The following DAPK1 variants were observed in gnomAD, a reference collection of about 807,000 sequenced individuals.
DAPK1 encodes the protein death-associated protein kinase 1.
Under a neutral mutation model 144.9 loss-of-function variants are expected in DAPK1, and 56 were observed. The ratio of observed to expected loss-of-function variants is 0.39; its 90% confidence interval spans 0.31 to 0.48. The LOEUF (loss-of-function observed/expected upper bound fraction) is 0.48, where lower values mean the gene tolerates loss of function less well. Ranked by LOEUF, DAPK1 falls within the 20% of genes least tolerant of loss-of-function variation. The pLI is 0.95. For missense variants in DAPK1, 1,454 were observed against 1,875.4 expected (o/e 0.78, Z 4.15); for synonymous variants, 690 against 749.0 (o/e 0.92, Z 1.29).
At position 87,686,634 on chromosome 9, in the gene DAPK1, A is replaced by C; in HGVS notation, c.2308A>C (p.Thr770Pro). The C allele has an allele frequency of 6.2e-7, 1 of 1,611,634 alleles. No individual in the cohort carries two copies. The highest frequency in any genetic ancestry group is 8.5e-7 in the Non-Finnish European group (1 of 1,178,198). ...CAGCATGATGTTCGAGCCGGGTCTT[A>C]CCAAAGGGATGCTGGAGGTGTTTGT... ...SRSMMFEPGL[T>P]KGMLEVFVAP... The change falls in exon 21 of 26, where the codon ACC (threonine) becomes CCC (proline). Residue 770 changes from threonine to proline, a missense_variant. This residue lies in a region of DAPK1 where 1,025 missense variants were observed against 1,237.9 expected (regional missense o/e 0.83). Transcript: ENST00000408954. The surrounding 1 kb of genome is among the most constrained non-coding windows in gnomAD (Gnocchi z 4.2).
At chr9:87,569,155 C>T (rs1025558437) in intron 2 of DAPK1, among the ~76,000 whole-genome samples, 2 of 152,188 alleles carry the variant, frequency 1.3e-5, no homozygotes, top group African/African-American at 4.8e-5. Flanking sequence ...TGGGCTCAGC[C>T]TCAGAGATTA....
rs1362766309 is a variant in DAPK1, at chr9:87,651,474, G to A, written c.1627-53G>A. 7 of 1,569,824 alleles carry A rather than the reference G, an allele frequency of 4.5e-6. No homozygotes were observed. The East Asian group carries it at 1.6e-4, about 35-fold the overall frequency. On this transcript the variant is annotated intron_variant, in intron 16 of 25. Transcript: ENST00000408954. ...TGGCGGCAGAAAAGGTGAAGAGACG[G>A]AGGCCACATGCCCAAGTGAAAAGCT...
At chr9:87,571,839 T>C (rs1169075925) in intron 2 of DAPK1, among the ~76,000 whole-genome samples, 1 of 152,092 alleles carries the variant, frequency 6.6e-6, no homozygotes, top group Non-Finnish European at 1.5e-5. Context: ...GATGGGGACA[T>C]GGGGGTTGGA....
chr9:87,684,209 C>T (rs916439856), intron 20 of DAPK1, among the ~76,000 whole-genome samples: 22 of 152,348 alleles, frequency 1.4e-4, no homozygotes, highest in Admixed American at 1.2e-3. Flanking sequence ...TGGGGGCCAA[C>T]GGAGCAGCGT....
At chr9:87,701,706 C>T (rs1825460612) in intron 24 of DAPK1, 1 of 319,498 alleles carries the variant, frequency 3.1e-6, no homozygotes, top group African/African-American at 2.2e-5. Flanking sequence ...ACCTTTGAAG[C>T]TGCCTCTGGG....
chr9:87,664,980 G>C (rs1831000241), intron 18 of DAPK1, among the ~76,000 whole-genome samples: 4 of 152,176 alleles, frequency 2.6e-5, no homozygotes, highest in Admixed American at 2.6e-4. Context: ...CTATTCTTGG[G>C]CCTGAGTGGC....
rs1830392523 is a variant in DAPK1, at chr9:87,650,051, C to T, written c.1559C>T (p.Ala520Val). 3 of 1,614,010 alleles carry T rather than the reference C, an allele frequency of 1.9e-6. No individual in the cohort carries two copies. The highest frequency in any genetic ancestry group is 1.3e-5 in the African/African-American group (1 of 74,916). Residue 520 changes from alanine (A) to valine (V), a missense_variant, in exon 16 of 26, where the codon GCC (alanine) becomes GTC (valine). By Grantham distance (64) the Ala-to-Val change is moderately conservative (BLOSUM62 0). Around this residue, in one of 2 missense-constraint regions of DAPK1, gnomAD observed 1,025 missense variants for 1,237.9 expected, o/e 0.83. Transcript: ENST00000408954. ...EGETPLLTAS[A>V]RGYHDIVECL... ...GAGACGCCCCTCCTGACAGCCTCTG[C>T]CAGGGGCTACCACGACATCGTGGAG...
At chr9:87,689,543 G>C (rs949337982) in intron 21 of DAPK1, among the ~76,000 whole-genome samples, 8 of 152,060 alleles carry the variant, frequency 5.3e-5, no homozygotes, top group Non-Finnish European at 5.9e-5. Flanking sequence ...GTCTATTTTT[G>C]TTTTTATTAC....
At chr9:87,639,564 C>G in intron 5 of DAPK1, 81 bp downstream of exon 5, 1 of 1,609,740 alleles carries the variant, frequency 6.2e-7, no homozygotes, top group Non-Finnish European at 8.5e-7. Flanking sequence ...GATTCTTTCC[C>G]TGCTACATGT....
intron 2 of DAPK1, among the ~76,000 whole-genome samples, chr9:87,531,548 A>C (rs909935285): frequency 1.3e-5 from 2 of 152,128 alleles, no homozygotes; most frequent in African/African-American, 4.8e-5. Context: ...GACTGGTGCA[A>C]ACCTGTGCTG....
intron 19 of DAPK1, chr9:87,668,928 C>G (rs1020570361): frequency 2.1e-6 from 1 of 467,248 alleles, no homozygotes; most frequent in Non-Finnish European, 3.9e-6. Context: ...TTCTCCCACT[C>G]TCTCTATAAT....
At chr9:87,605,231 C>G (rs915915444) in intron 3 of DAPK1, 56 bp downstream of exon 3, 12 of 1,440,468 alleles carry the variant, frequency 8.3e-6, no homozygotes. Flanking sequence ...CAGCTGGCAT[C>G]TTCGTTCCAG....
At chr9:87,592,146 C>T (rs1000103844) in intron 2 of DAPK1, among the ~76,000 whole-genome samples, 1 of 152,132 alleles carries the variant, frequency 6.6e-6, no homozygotes, top group African/African-American at 2.4e-5. Context: ...GTGACAAGAC[C>T]ATGTTGACCC....
intron 2 of DAPK1, among the ~76,000 whole-genome samples, chr9:87,548,221 G>T (rs1049419956): frequency 2.0e-5 from 3 of 152,140 alleles, no homozygotes; most frequent in African/African-American, 7.2e-5. Context: ...CTTTCGCAAG[G>T]CCCCCTTGGC....
rs773960447 is a variant in DAPK1 at position 87,686,629 on chromosome 9, G to T, written c.2303G>T (p.Gly768Val). Residue 768 changes from glycine (G) to valine (V), a missense_variant, in exon 21 of 26, where the codon GGT becomes GTT. Coordinates refer to ENST00000408954, the MANE Select transcript of DAPK1 (RefSeq NM_004938.4). This position sits in a 1 kb window ranked among gnomAD's most constrained non-coding sequence, Gnocchi z 4.2. ...AGCCGCAGCATGATGTTCGAGCCGGGTCTTACCAAAGGGATGCTGGAGGTG... is the reference window on the plus strand; with the variant it reads ...AGCCGCAGCATGATGTTCGAGCCGGTTCTTACCAAAGGGATGCTGGAGGTG... ...VRSRSMMFEP[G>V]LTKGMLEVFV... 9 of 1,611,292 alleles carry T rather than the reference G, an allele frequency of 5.6e-6. No individual in the cohort carries two copies. The highest frequency in any genetic ancestry group is 7.6e-6 in the Non-Finnish European group (9 of 1,178,158).
In DAPK1 at chr9:87,537,287, CT is replaced by C. The variant is rs1237671948; in HGVS notation, c.62+38149del. Among the ~76,000 whole-genome samples, 3 of 152,138 alleles carry C rather than the reference CT, an allele frequency of 2.0e-5. No homozygotes were observed. In the East Asian group the frequency reaches 5.8e-4, roughly 29 times the overall value. The stretch of plus-strand genomic sequence containing the variant: ...AGGCGTGAGCCACCGCATCCAGCCC[CT>C]ATGAGGTTTTCATGTGTTTTGGAGG... On this transcript the variant is annotated intron_variant, in intron 2 of 25. Transcript: ENST00000408954.
Position 87,510,519 on chromosome 9 carries a change from C to T in DAPK1, c.62+11380C>T, listed in dbSNP as rs536734894. Among the ~76,000 whole-genome samples the T allele has an allele frequency of 3.3e-5, 5 of 152,328 alleles. No individual in the cohort carries two copies. In the East Asian group the frequency reaches 5.8e-4, roughly 18 times the overall value. On this transcript the variant is annotated intron_variant, in intron 2 of 25. Coordinates refer to ENST00000408954, the MANE Select transcript of DAPK1 (RefSeq NM_004938.4). ...TCCAGGAAGGCTCCTGCTCTGATTT[C>T]CTGTATTCCTTCACGATTTGGAGTA...
chr9:87,528,022 T>C (rs927739962), intron 2 of DAPK1, among the ~76,000 whole-genome samples: 7 of 152,190 alleles, frequency 4.6e-5, no homozygotes, highest in Non-Finnish European at 8.8e-5. Context: ...CATACACCAA[T>C]ACATATATAG....
At chr9:87,636,244 G>T (rs575126717) in intron 3 of DAPK1, among the ~76,000 whole-genome samples, 33 of 152,290 alleles carry the variant, frequency 2.2e-4, no homozygotes, top group Admixed American at 7.2e-4. Context: ...TGGACTCCTG[G>T]ATGTCCTGGC....
Sources: allele counts gnomAD v4.1 joint callset (sites outside exome capture counted in the v4.1 genomes callset), GRCh38; gene constraint gnomAD v4.1.1; regional missense constraint gnomAD v4.1.1; non-coding constraint Gnocchi (gnomAD v3.1); transcripts MANE v1.5; gene names NCBI Gene and HGNC (gene_info 2026-07-23, HGNC 2026-07-21).